RBFOX1: variants seen among roughly 807,000 people sequenced by gnomAD.
RBFOX1 encodes the protein RNA binding fox-1 homolog 1.
Under a neutral mutation model 57.7 loss-of-function variants are expected in RBFOX1, and 8 were observed. The ratio of observed to expected loss-of-function variants is 0.14; its 90% CI spans 0.08 to 0.25. The LOEUF is 0.25. Ranked by LOEUF, RBFOX1 falls within the 10% of genes least tolerant of loss-of-function variation. The pLI is 1.00. For missense variants in RBFOX1, 611 were observed against 548.5 expected, an observed-to-expected ratio of 1.11 and a Z score of -1.14; for synonymous variants, 326 against 222.4, an observed-to-expected ratio of 1.47 and a Z score of -4.15.
intron 3 of RBFOX1, among the ~76,000 whole-genome samples, chr16:6,685,460 C>T (rs10459827): frequency 0.018 from 2,216 of 124,060 alleles, 6 homozygotes; most frequent in Non-Finnish European, 0.024. Flanking sequence ...TTTTTTTTTT[C>T]TATTTTTAGT....
Position 6,093,966 on chromosome 16 carries a change from G to A in RBFOX1, c.-127+73974G>A, listed in dbSNP as rs141890973. Among the ~76,000 whole-genome samples, 4 of 152,242 alleles carry A rather than the reference G, an allele frequency of 2.6e-5. No homozygotes were observed. In the East Asian group the frequency reaches 7.7e-4, roughly 29 times the overall value. On this transcript the variant is annotated intron_variant, in intron 1 of 15. Transcript: ENST00000550418. ...TATTCTTCCTCTTCTGCCCGCCCCTGCTGGCTTTCGCAAAAGAGAAATCAT... is the reference window on the plus strand; with the variant it reads ...TATTCTTCCTCTTCTGCCCGCCCCTACTGGCTTTCGCAAAAGAGAAATCAT...
chr16:6,113,659 G>T (rs2343522), intron 1 of RBFOX1, among the ~76,000 whole-genome samples: 39,444 of 152,130 alleles, frequency 0.26, 6,327 homozygotes, highest in African/African-American at 0.43. Flanking sequence ...AAGGACACCA[G>T]AGGGGTATGA....
intron 1 of RBFOX1, among the ~76,000 whole-genome samples, chr16:5,448,795 A>G (rs2068331717): frequency 6.6e-6 from 1 of 152,232 alleles, no homozygotes; most frequent in African/African-American, 2.4e-5. Context: ...TTCGGTGCCC[A>G]GCATTGCTCT....
chr16:5,977,511 G>T (rs143763670), intron 4 of RBFOX1, among the ~76,000 whole-genome samples: 2 of 152,272 alleles, frequency 1.3e-5, no homozygotes, highest in Admixed American at 1.3e-4. Context: ...TCGCTCTGGA[G>T]AGAGCATGGC....
intron 3 of RBFOX1, among the ~76,000 whole-genome samples, chr16:6,866,431 C>G (rs955286905): frequency 6.6e-6 from 1 of 150,618 alleles, no homozygotes; most frequent in Non-Finnish European, 1.5e-5. Context: ...CTTCTAGTGT[C>G]TTTCCCATCT....
At chr16:7,529,587 C>G (rs1753516244) in intron 5 of RBFOX1, among the ~76,000 whole-genome samples, 1 of 152,158 alleles carries the variant, frequency 6.6e-6, no homozygotes, top group South Asian at 2.1e-4. Flanking sequence ...TTTCTTTCTT[C>G]TTAAGAATAG....
intron 1 of RBFOX1, among the ~76,000 whole-genome samples, chr16:6,312,853 A>C (rs1290490103): frequency 6.6e-6 from 1 of 152,110 alleles, no homozygotes; most frequent in Non-Finnish European, 1.5e-5. Flanking sequence ...TCAGAGTTAA[A>C]ATAGTGAGCA....
Position 5,545,860 on chromosome 16 carries a change from C to G in RBFOX1, c.259-53042C>G, listed in dbSNP as rs4372693. Among the ~76,000 whole-genome samples, 10 of 151,754 alleles carry G rather than the reference C, an allele frequency of 6.6e-5. No homozygotes were observed. The East Asian group carries it at 1.9e-3, about 29-fold the overall frequency. ...ATAAGGCAGGAGAAATGAATAAAACCCAGAAAGTAAAGGATAAAATAGATG... is the reference window on the plus strand; with the variant it reads ...ATAAGGCAGGAGAAATGAATAAAACGCAGAAAGTAAAGGATAAAATAGATG... On this transcript the variant is annotated intron_variant, in intron 2 of 2. Coordinates refer to the RBFOX1 transcript ENST00000585867.
chr16:7,454,254 G>T (rs1320509480), intron 4 of RBFOX1, among the ~76,000 whole-genome samples: 1 of 152,108 alleles, frequency 6.6e-6, no homozygotes, highest in South Asian at 2.1e-4. Flanking sequence ...CCCAAAAAAA[G>T]TCATAGCCAA....
intron 2 of RBFOX1, among the ~76,000 whole-genome samples, chr16:6,477,504 T>C (rs2095292366): frequency 6.6e-6 from 1 of 152,270 alleles, no homozygotes; most frequent in African/African-American, 2.4e-5. Flanking sequence ...GAATAGTAGG[T>C]GTTAATAGTG....
At chr16:7,287,561 G>A (rs1603501253) in intron 4 of RBFOX1, among the ~76,000 whole-genome samples, 1 of 152,194 alleles carries the variant, frequency 6.6e-6, no homozygotes, top group African/African-American at 2.4e-5. Flanking sequence ...TTCAGTCTGT[G>A]ACTTGGGCTA....
chr16:7,444,150 A>G (rs2098791198), intron 4 of RBFOX1, among the ~76,000 whole-genome samples: 1 of 152,242 alleles, frequency 6.6e-6, no homozygotes, highest in Non-Finnish European at 1.5e-5. Flanking sequence ...AACATTAGCT[A>G]GGGTTATTAG....
At chr16:7,198,602 G>T (rs956451090) in intron 4 of RBFOX1, among the ~76,000 whole-genome samples, 1 of 152,172 alleles carries the variant, frequency 6.6e-6, no homozygotes. Context: ...CCAAGAGCAT[G>T]ACACTGCATA....
intron 4 of RBFOX1, among the ~76,000 whole-genome samples, chr16:7,463,173 G>A (rs2059890225): frequency 6.6e-6 from 1 of 152,164 alleles, no homozygotes; most frequent in Admixed American, 6.5e-5. Flanking sequence ...TCAGATGGTA[G>A]AAGGGACTTG....
At chr16:5,703,561 T>C (rs574351633) in intron 3 of RBFOX1, among the ~76,000 whole-genome samples, 24 of 152,306 alleles carry the variant, frequency 1.6e-4, no homozygotes, top group African/African-American at 5.3e-4. Flanking sequence ...TATTTAAAGA[T>C]TTTTAGTGCA....
chr16:6,345,501 C>T lies in RBFOX1; in HGVS notation c.-64+28444C>T, dbSNP rs544181068. ...TAATGGAAAGCTGCTTCTCCCCCAG[C>T]CCTGTTTTAGCGAGTCCTCTATCCG... On this transcript the variant is annotated intron_variant, in intron 2 of 15. Coordinates refer to ENST00000550418, the MANE Select transcript of RBFOX1 (RefSeq NM_018723.4). Among the ~76,000 whole-genome samples the T allele has an allele frequency of 3.9e-5, 6 of 152,306 alleles. No individual in the cohort carries two copies. In the South Asian group the frequency reaches 6.2e-4, roughly 16 times the overall value.
rs1309402034 is a variant in RBFOX1 at position 6,478,415 on chromosome 16, ATATATATATATATATT to A, written c.-64+161360_-64+161375del. On this transcript the variant is annotated intron_variant, in intron 2 of 15. Transcript: ENST00000550418. ...TATATATATATATATATATATATAT[ATATATATATATATATT>A]TTTTTTTTTTTTTTTTGTATTTTTA... Among the ~76,000 whole-genome samples, 94 of 22,196 alleles carry A rather than the reference ATATATATATATATATT, an allele frequency of 4.2e-3. 2 individuals carry two copies. The highest frequency in any genetic ancestry group is 0.012 in the African/African-American group (49 of 4,000). 14.6% of individuals were successfully genotyped at this position (22,196 alleles called of 152,430 possible).
At chr16:6,895,617 A>G (rs1382773107) in intron 3 of RBFOX1, among the ~76,000 whole-genome samples, 3 of 151,692 alleles carry the variant, frequency 2.0e-5, no homozygotes, top group Non-Finnish European at 2.9e-5. Flanking sequence ...GGAGAAGAAA[A>G]AAATGGAGAG....
chr16:6,412,877 G>A (rs1015422748), intron 2 of RBFOX1, among the ~76,000 whole-genome samples: 7 of 152,186 alleles, frequency 4.6e-5, no homozygotes, highest in African/African-American at 1.7e-4. Context: ...CATTTGTTGA[G>A]TCTCTCTTTG....
Sources: gnomAD v4.1 joint callset for allele counts (sites outside exome capture counted in the v4.1 genomes callset) on GRCh38, gnomAD v4.1.1 for gene constraint, MANE v1.5 for transcripts, NCBI Gene and HGNC (gene_info 2026-07-23, HGNC 2026-07-21) for gene names.